Variants in MTUS1 observed in about 807,000 individuals in gnomAD.
MTUS1 encodes microtubule-associated tumor suppressor 1.
MTUS1 carries 109 observed loss-of-function variants against 120.8 expected under a neutral mutation model. The ratio of observed to expected loss-of-function variants is 0.90; its 90% CI spans 0.77 to 1.06. The LOEUF (loss-of-function observed/expected upper bound fraction) is 1.06, where lower values mean the gene tolerates loss of function less well. Ranked by LOEUF, MTUS1 falls within the 50% of genes least tolerant of loss-of-function variation. The pLI is 0.00. For missense variants in MTUS1, 2,210 were observed against 1,486.3 expected (o/e 1.49, Z -8.01); for synonymous variants, 737 against 550.5 (o/e 1.34, Z -4.74).
chr8:17,668,103 C>T (rs568009392), intron 8 of MTUS1, among the ~76,000 whole-genome samples: 1 of 152,108 alleles, frequency 6.6e-6, no homozygotes, highest in East Asian at 1.9e-4. Context: ...ACAAAATAAT[C>T]TTCATTAATT....
At chr8:17,685,888 A>G (rs1481795375) in intron 6 of MTUS1, among the ~76,000 whole-genome samples, 1 of 152,218 alleles carries the variant, frequency 6.6e-6, no homozygotes, top group East Asian at 1.9e-4. Flanking sequence ...TAGCTTATGA[A>G]TAATTGTCAC....
At chr8:17,748,615 C>T (rs1234797107) in intron 2 of MTUS1, among the ~76,000 whole-genome samples, 1 of 152,182 alleles carries the variant, frequency 6.6e-6, no homozygotes. Flanking sequence ...GACACCACCA[C>T]CTGGGCACCA....
intron 7 of MTUS1, 51 bp downstream of exon 7, chr8:17,684,277 T>C: frequency 7.2e-7 from 1 of 1,392,864 alleles, no homozygotes; most frequent in Non-Finnish European, 1.0e-6. Flanking sequence ...GTCCTCCCCG[T>C]GCTCCCCCGA....
intron 6 of MTUS1, among the ~76,000 whole-genome samples, chr8:17,690,556 A>C (rs1816749381): frequency 6.6e-6 from 1 of 152,190 alleles, no homozygotes; most frequent in Non-Finnish European, 1.5e-5. Context: ...GGAAAAGAAA[A>C]ACACAGACTA....
chr8:17,694,731 C>T (rs754670169), intron 6 of MTUS1, among the ~76,000 whole-genome samples: 5 of 151,972 alleles, frequency 3.3e-5, no homozygotes, highest in Non-Finnish European at 5.9e-5. Flanking sequence ...CACATGGTGT[C>T]ATGAAAAGAA....
At position 17,755,087 on chromosome 8, in the gene MTUS1, T is replaced by C. The variant is rs759328199; in HGVS notation, c.721A>G (p.Met241Val). ...PQVTPSEAQD[M>V]TYTAFSDVVM... Reference sequence around the variant, plus strand: ...ACATCAGAAAATGCTGTGTAAGTCATGTCTTGGGCTTCTGATGGTGTGACT... The same window carrying C: ...ACATCAGAAAATGCTGTGTAAGTCACGTCTTGGGCTTCTGATGGTGTGACT... Residue 241 changes from methionine to valine, a missense_variant, in exon 2 of 15, where the codon ATG becomes GTG. Coordinates refer to ENST00000693296, the MANE Select transcript of MTUS1 (RefSeq NM_001363059.2). 2.5e-6 allele frequency: 4 copies of C among 1,613,896 alleles called. No individual in the cohort carries two copies. Among genetic ancestry groups the C allele is most frequent in the East Asian group, 2.2e-5 (1 of 44,880 alleles).
intron 3 of MTUS1, among the ~76,000 whole-genome samples, chr8:17,735,593 G>C (rs541205114): frequency 6.6e-6 from 1 of 152,264 alleles, no homozygotes; most frequent in East Asian, 1.9e-4. Context: ...TGCACCCTCA[G>C]CAACCCCAGC....
intron 6 of MTUS1, among the ~76,000 whole-genome samples, chr8:17,699,207 CTTTT>C: frequency 6.6e-6 from 1 of 152,068 alleles, no homozygotes; most frequent in South Asian, 2.1e-4. Flanking sequence ...CTAAATTATC[CTTTT>C]TTGTTTGTTT....
At chr8:17,700,032 T>TA (rs1233792756) in intron 6 of MTUS1, among the ~76,000 whole-genome samples, 1 of 152,052 alleles carries the variant, frequency 6.6e-6, no homozygotes, top group African/African-American at 2.4e-5. Context: ...GAGAAGTACC[T>TA]AAAAAAAGCA....
intron 3 of MTUS1, among the ~76,000 whole-genome samples, chr8:17,739,417 A>C (rs2047155679): frequency 6.7e-6 from 1 of 149,994 alleles, no homozygotes; most frequent in Admixed American, 6.8e-5. Flanking sequence ...TGCTTGAACC[A>C]GGGAAGGGGA....
chr8:17,752,314 T>C (rs2048261687), intron 2 of MTUS1, among the ~76,000 whole-genome samples: 1 of 152,374 alleles, frequency 6.6e-6, no homozygotes, highest in East Asian at 1.9e-4. Flanking sequence ...CGTGTTTCTA[T>C]GTATATCTGT....
intron 2 of MTUS1, among the ~76,000 whole-genome samples, chr8:17,744,399 A>G (rs1035187469): frequency 2.6e-5 from 4 of 152,024 alleles, no homozygotes; most frequent in Non-Finnish European, 5.9e-5. Flanking sequence ...ACTCCTTTCT[A>G]TTGATTTCAG....
intron 5 of MTUS1, among the ~76,000 whole-genome samples, chr8:17,715,004 C>T (rs1226484366): frequency 7.4e-6 from 1 of 135,886 alleles, no homozygotes; most frequent in East Asian, 2.5e-4. Flanking sequence ...CTCCTGGGTT[C>T]AAGCAATTCT....
chr8:17,748,924 T>G (rs1322459930), intron 2 of MTUS1, among the ~76,000 whole-genome samples: 1 of 152,330 alleles, frequency 6.6e-6, no homozygotes, highest in Non-Finnish European at 1.5e-5. Flanking sequence ...AATGGGAGTC[T>G]GAGCCTTACT....
At position 17,645,779 on chromosome 8, in the gene MTUS1, G is replaced by A; in HGVS notation, c.*147C>T. 9.6e-7 allele frequency: 1 copy of A among 1,040,334 alleles called. No homozygotes were observed. 64.4% of individuals were successfully genotyped at this position (1,040,334 alleles called of 1,614,324 possible). On this transcript the variant is annotated 3_prime_UTR_variant, in exon 15 of 15. Coordinates refer to ENST00000693296, the MANE Select transcript of MTUS1 (RefSeq NM_001363059.2). ...CTCCAGAGTTCCAGTCTCAGAAGCTGCGATTCCGCCGGTGGTGACGCTCCA... is the reference window on the plus strand; with the variant it reads ...CTCCAGAGTTCCAGTCTCAGAAGCTACGATTCCGCCGGTGGTGACGCTCCA...
intron 7 of MTUS1, among the ~76,000 whole-genome samples, chr8:17,683,715 T>C (rs905591561): frequency 3.3e-5 from 5 of 152,238 alleles, no homozygotes; most frequent in East Asian, 1.9e-4. Flanking sequence ...ACAGCTTTTA[T>C]TGCTATGTCA....
intron 2 of MTUS1, among the ~76,000 whole-genome samples, chr8:17,744,689 CTTT>C (rs58283163): frequency 3.0e-5 from 3 of 99,024 alleles, no homozygotes; most frequent in East Asian, 3.0e-4. Flanking sequence ...ACCATGTTTT[CTTT>C]TTTTTTTTTT....
Position 17,755,145 on chromosome 8 carries a change from A to T in MTUS1, c.663T>A (p.Thr221=), listed in dbSNP as rs2048506490. The change falls in exon 2 of 15, where the codon ACT becomes ACA. Residue 221 remains threonine, a synonymous_variant. Coordinates refer to ENST00000693296, the MANE Select transcript of MTUS1 (RefSeq NM_001363059.2). ...TTTCAAAGCTTTCTCTATCATAAGT[A>T]GTTTCTCTTGCATGCGTCTTATCAG... ...SHSDKTHARE[T]TYDRESFENP... 1 of 1,614,024 alleles carries T rather than the reference A, an allele frequency of 6.2e-7. No homozygotes were observed. The highest frequency in any genetic ancestry group is 1.3e-5 in the African/African-American group (1 of 74,922).
At chr8:17,739,204 A>T (rs1258436524) in intron 3 of MTUS1, among the ~76,000 whole-genome samples, 1 of 152,156 alleles carries the variant, frequency 6.6e-6, no homozygotes, top group Non-Finnish European at 1.5e-5. Flanking sequence ...TATTAAAAAT[A>T]AAACTCAGGC....
Sources: gnomAD v4.1 joint callset for allele counts (sites outside exome capture counted in the v4.1 genomes callset) on GRCh38, gnomAD v4.1.1 for gene constraint, MANE v1.5 for transcripts, NCBI Gene and HGNC (gene_info 2026-07-23, HGNC 2026-07-21) for gene names.